CCDC158: variants seen among roughly 807,000 people sequenced by gnomAD.
CCDC158 encodes the protein coiled-coil domain-containing protein 158.
CCDC158 carries 116 observed loss-of-function variants against 138.6 expected under a neutral mutation model. The observed-to-expected ratio is 0.84, with a 90% confidence interval of 0.72 to 0.98. The LOEUF is 0.98. Among genes scored for constraint, CCDC158 ranks in the 50% least tolerant of loss-of-function variants. CCDC158 has a pLI of 0.00. For missense variants in CCDC158, 1,265 were observed against 1,306.1 expected (o/e 0.97, Z 0.48); for synonymous variants, 436 against 442.4 (o/e 0.99, Z 0.18).
chr4:76,373,611 A>G (rs1168885530), intron 9 of CCDC158, among the ~76,000 whole-genome samples: 1 of 152,178 alleles, frequency 6.6e-6, no homozygotes, highest in Admixed American at 6.5e-5. Context: ...TATATTATCT[A>G]TACATACATA....
chr4:76,401,902 G>A (rs1728423120), intron 3 of CCDC158, among the ~76,000 whole-genome samples: 1 of 152,118 alleles, frequency 6.6e-6, no homozygotes, highest in African/African-American at 2.4e-5. Flanking sequence ...GGTGGGCAGG[G>A]GAGATGGGTG....
chr4:76,321,901 C>T (rs567200797), intron 24 of CCDC158, among the ~76,000 whole-genome samples: 1 of 150,920 alleles, frequency 6.6e-6, no homozygotes, highest in South Asian at 2.1e-4. Flanking sequence ...TGAAGTAACT[C>T]AGGAAAAGAA....
chr4:76,387,986 CTGGG>C (rs1726975914), intron 4 of CCDC158, among the ~76,000 whole-genome samples: 1 of 152,038 alleles, frequency 6.6e-6, no homozygotes, highest in Non-Finnish European at 1.5e-5. Context: ...GCACTCCAGC[CTGGG>C]TGACAGAACA....
chr4:76,361,766 G>A (rs1724171034), intron 13 of CCDC158, among the ~76,000 whole-genome samples: 1 of 151,510 alleles, frequency 6.6e-6, no homozygotes, highest in Non-Finnish European at 1.5e-5. Flanking sequence ...TTGACTCCAA[G>A]GACTCAAGGT....
chr4:76,314,768 T>C (rs1027826544), intron 24 of CCDC158, among the ~76,000 whole-genome samples: 3 of 152,098 alleles, frequency 2.0e-5, no homozygotes, highest in African/African-American at 7.2e-5. Context: ...TGACTATATC[T>C]CACAGGGGCC....
At chr4:76,344,037 T>G (rs1315069685) in intron 18 of CCDC158, among the ~76,000 whole-genome samples, 6 of 152,132 alleles carry the variant, frequency 3.9e-5, no homozygotes, top group Non-Finnish European at 8.8e-5. Flanking sequence ...TAAAGGATAT[T>G]CAAATAGGAA....
chr4:76,380,416 G>A (rs28770181), intron 8 of CCDC158, among the ~76,000 whole-genome samples: 4,481 of 152,258 alleles, frequency 0.029, 222 homozygotes, highest in African/African-American at 0.1. Context: ...CAAAGAGACT[G>A]GTAGCATTTT....
At chr4:76,390,061 C>G (rs76870181) in intron 4 of CCDC158, among the ~76,000 whole-genome samples, 1 of 151,872 alleles carries the variant, frequency 6.6e-6, no homozygotes, top group Non-Finnish European at 1.5e-5. Context: ...GCACACAGAA[C>G]AATATAACAC....
chr4:76,405,282 A>T (rs893731886), intron 2 of CCDC158, among the ~76,000 whole-genome samples: 5 of 152,226 alleles, frequency 3.3e-5, no homozygotes, highest in Non-Finnish European at 7.3e-5. Flanking sequence ...AGGATATTAC[A>T]GCCAGCCAAG....
intron 2 of CCDC158, among the ~76,000 whole-genome samples, chr4:76,403,826 C>T (rs1167307496): frequency 6.6e-6 from 1 of 152,172 alleles, no homozygotes; most frequent in Admixed American, 6.5e-5. Context: ...AAATAATCTG[C>T]AAGTACAGGG....
At position 76,403,166 on chromosome 4, in the gene CCDC158, T is replaced by C. The variant is rs1728553244; in HGVS notation, c.42A>G (p.Leu14=). ...KAWESNNEDL[L]SSSGVTSNGG... ...CATTAGATGTGACACCACTACTTGA[T>C]AAAAGATCTTCATTATTTGATTCCC... Residue 14 remains leucine (L), a synonymous_variant, in exon 3 of 25, where the codon TTA becomes TTG. Transcript: ENST00000682701. 1.2e-6 allele frequency: 2 copies of C among 1,606,378 alleles called. No homozygotes were observed. The highest frequency in any genetic ancestry group is 3.4e-5 in the Admixed American group (2 of 58,754).
chr4:76,357,340 C>T (rs1451527022), intron 14 of CCDC158, 34 bp downstream of exon 14: 1 of 1,438,066 alleles, frequency 7.0e-7, no homozygotes. Flanking sequence ...AAATTAAAAA[C>T]AGAAGAAAAA....
At chr4:76,316,002 C>A (rs945528725) in intron 24 of CCDC158, among the ~76,000 whole-genome samples, 7 of 152,126 alleles carry the variant, frequency 4.6e-5, no homozygotes, top group African/African-American at 1.7e-4. Context: ...AAATAGTTTA[C>A]CCAAATCAGA....
intron 24 of CCDC158, 71 bp downstream of exon 24, chr4:76,323,231 G>A (rs1482416797): frequency 9.1e-6 from 10 of 1,097,460 alleles, no homozygotes; most frequent in African/African-American, 4.7e-5. Flanking sequence ...CTATAGACAG[G>A]AGGCTTAATC....
intron 15 of CCDC158, 91 bp from the exon 16 acceptor site, chr4:76,353,372 C>G: frequency 1.0e-6 from 1 of 1,002,214 alleles, no homozygotes; most frequent in Non-Finnish European, 1.4e-6. Context: ...TTTAAAGGAC[C>G]CTGAACTAGG....
chr4:76,356,157 T>C (rs964375032), intron 14 of CCDC158, among the ~76,000 whole-genome samples: 1 of 152,082 alleles, frequency 6.6e-6, no homozygotes, highest in Non-Finnish European at 1.5e-5. Context: ...AAATATACCA[T>C]TCATTATAAA....
At chr4:76,322,964 A>T (rs1378474072) in intron 24 of CCDC158, among the ~76,000 whole-genome samples, 1 of 152,144 alleles carries the variant, frequency 6.6e-6, no homozygotes, top group Non-Finnish European at 1.5e-5. Flanking sequence ...TATTGTATAA[A>T]TGTTTATCTA....
At chr4:76,344,499 T>C in intron 18 of CCDC158, 2 of 787,742 alleles carry the variant, frequency 2.5e-6, no homozygotes, top group Non-Finnish European at 4.6e-6. Context: ...AGCTACAGGC[T>C]TGTCCTCCAG....
chr4:76,408,253 T>G (rs993088853), intron 2 of CCDC158, among the ~76,000 whole-genome samples: 5 of 152,032 alleles, frequency 3.3e-5, no homozygotes, highest in South Asian at 2.1e-4. Flanking sequence ...TTGTTACATA[T>G]GTACACATGT....
Sources: allele counts gnomAD v4.1 joint callset (sites outside exome capture counted in the v4.1 genomes callset), GRCh38; gene constraint gnomAD v4.1.1; transcripts MANE v1.5; gene names NCBI Gene and HGNC (gene_info 2026-07-23, HGNC 2026-07-21).